The following EXOC3 variants were observed in gnomAD, a reference collection of about 807,000 sequenced individuals.
EXOC3 encodes SEC6-like 1.
Under a neutral mutation model 73.7 loss-of-function variants are expected in EXOC3, and 21 were observed. The observed-to-expected ratio is 0.29, with a 90% CI of 0.20 to 0.41. The LOEUF is 0.41. Ranked by LOEUF, EXOC3 falls within the 10% of genes least tolerant of loss-of-function variation. EXOC3 has a pLI of 1.00. For synonymous variants in EXOC3, 410 were observed against 389.1 expected (o/e 1.05, Z -0.63); for missense variants, 842 against 985.1 (o/e 0.85, Z 1.95).
intron 3 of EXOC3, 50 bp from the exon 4 acceptor site, chr5:453,320 C>CTTTTATGTGGTGGTGGTTG: frequency 1.4e-6 from 2 of 1,451,030 alleles, no homozygotes; most frequent in Non-Finnish European, 1.9e-6. Context: ...TGCAGGCAGC[C>CTTTTATGTGGTGGTGGTTG]TTTTATGTGG....
chr5:465,899 G>T, intron 12 of EXOC3, 54 bp downstream of exon 12: 2 of 1,553,544 alleles, frequency 1.3e-6, no homozygotes, highest in South Asian at 1.2e-5. Flanking sequence ...TGGAGCGGCA[G>T]GTCCCTCCTT....
At position 453,645 on chromosome 5, in the gene EXOC3, A is replaced by C. The variant is rs748256008; in HGVS notation, c.640A>C (p.Arg214=). ...RDPTLLVSVV[R]IIEREEKIDR... is the part of the protein sequence containing the mutation. The stretch of plus-strand genomic sequence containing the variant: ...CCCCACCTTGCTGGTCTCAGTTGTC[A>C]GGATCATTGAAAGGGAAGAGAAAAT... Residue 214 remains arginine (R), a synonymous_variant, in exon 4 of 13, where the codon AGG becomes CGG. Transcript: ENST00000512944. 2.5e-6 allele frequency: 4 copies of C among 1,614,002 alleles called. No individual in the cohort carries two copies. Among genetic ancestry groups the C allele is most frequent in the Non-Finnish European group, 3.4e-6 (4 of 1,179,886 alleles).
At chr5:443,629 T>TC (rs1488459278) in intron 1 of EXOC3, among the ~76,000 whole-genome samples, 2 of 151,310 alleles carry the variant, frequency 1.3e-5, no homozygotes, top group African/African-American at 2.4e-5. Flanking sequence ...GGCACAGGTG[T>TC]CCCCCCTCGG....
In EXOC3 at chr5:466,826, C is replaced by G; in HGVS notation, c.2166C>G (p.Ala722=). 5.6e-6 allele frequency: 9 copies of G among 1,613,440 alleles called. No homozygotes were observed. Among genetic ancestry groups the G allele is most frequent in the Non-Finnish European group, 7.6e-6 (9 of 1,179,782 alleles). The change falls in exon 13 of 13, where the codon GCC becomes GCG. Residue 722 remains alanine, a synonymous_variant. Transcript: ENST00000512944. ...CCCTGGAGCAGGGCCCAGCACAGGC[C>G]AGCCCCAGCTACGTGCCCCTCTTCA... ...METLEQGPAQ[A]SPSYVPLFKD... is the part of the protein sequence containing the mutation.
chr5:448,474 G>A (rs1737567027), intron 3 of EXOC3, among the ~76,000 whole-genome samples: 1 of 152,182 alleles, frequency 6.6e-6, no homozygotes, highest in African/African-American at 2.4e-5. Flanking sequence ...CCCCAACTCA[G>A]AAGCCTTGGC....
chr5:447,726 T>G lies in EXOC3; in HGVS notation c.338T>G (p.Val113Gly), dbSNP rs768560322. Residue 113 changes from valine (V) to glycine (G), a missense_variant, in exon 3 of 13, where the codon GTG (valine) becomes GGG (glycine). Coordinates refer to ENST00000512944, the MANE Select transcript of EXOC3 (RefSeq NM_007277.5). ...VVQHSQLAAAVENLKNIFSVP... is the reference protein window; with the variant it reads ...VVQHSQLAAAGENLKNIFSVP... ...CAGCACAGCCAGCTCGCCGCAGCCG[T>G]GGAGAACCTCAAGAACATCTTCTCA... 2.5e-6 allele frequency: 4 copies of G among 1,576,272 alleles called. No homozygotes were observed. The highest frequency in any genetic ancestry group is 2.7e-5 in the African/African-American group (2 of 74,084).
chr5:444,519 T>C (rs758233967), intron 1 of EXOC3, among the ~76,000 whole-genome samples: 1 of 152,132 alleles, frequency 6.6e-6, no homozygotes, highest in Non-Finnish European at 1.5e-5. Flanking sequence ...ATAATCAAAA[T>C]CATACAGGCT....
chr5:463,697 C>T lies in EXOC3; in HGVS notation c.1654-593C>T, dbSNP rs544521350. 5.3e-5 allele frequency among the ~76,000 whole-genome samples: 8 copies of T among 152,258 alleles called. No individual in the cohort carries two copies. In the South Asian group the frequency reaches 1.0e-3, roughly 20 times the overall value. On this transcript the variant is annotated intron_variant, in intron 9 of 12. Coordinates refer to ENST00000512944, the MANE Select transcript of EXOC3 (RefSeq NM_007277.5). ...TTTTATTGGAGTTTTAATTTGTATACTTTTATTGGTTTTAATGTGTATACT... is the reference window on the plus strand; with the variant it reads ...TTTTATTGGAGTTTTAATTTGTATATTTTTATTGGTTTTAATGTGTATACT...
At chr5:454,958 A>T (rs1737763444) in intron 4 of EXOC3, among the ~76,000 whole-genome samples, 1 of 149,156 alleles carries the variant, frequency 6.7e-6, no homozygotes, top group South Asian at 2.1e-4. Flanking sequence ...GCATTTCAAT[A>T]CAGAAGGACA....
At position 467,123 on chromosome 5, in the gene EXOC3, G is replaced by A. The variant is rs886791821; in HGVS notation, c.*225G>A. On this transcript the variant is annotated 3_prime_UTR_variant, in exon 13 of 13. Coordinates refer to ENST00000512944, the MANE Select transcript of EXOC3 (RefSeq NM_007277.5). ...AGGCCTGTGGGTGCAGGGCTCTGCC[G>A]CACAGCCTCTCTTGGGTGCTTGTTT... The A allele has an allele frequency of 1.8e-5, 10 of 554,768 alleles. No homozygotes were observed. Among genetic ancestry groups the A allele is most frequent in the South Asian group, 4.9e-5 (2 of 41,232 alleles). The allele number at this position is 554,768 out of a possible 1,614,324, so 34.4% of individuals were successfully genotyped here. A position where few individuals can be genotyped will look rare whatever the true frequency, so the allele number is the denominator to read the frequency against.
chr5:447,553 G>T lies in EXOC3; in HGVS notation c.165G>T (p.Leu55Phe), dbSNP rs1737541869. 6.3e-7 allele frequency: 1 copy of T among 1,579,862 alleles called. No homozygotes were observed. Residue 55 changes from leucine (L) to phenylalanine (F), a missense_variant, in exon 3 of 13, where the codon TTG (leucine) becomes TTT (phenylalanine). Physicochemically the swap from Leu to Phe is conservative, Grantham distance 22. Transcript: ENST00000512944. ...TTTAGGCCGCCATCCAGTCACAGTT[G>T]GACGGGGTGCGCACAGGCCTCAGCC... The part of the protein sequence containing the change: ...ARLKAAIQSQ[L>F]DGVRTGLSQL...
intron 12 of EXOC3, 183 bp downstream of exon 12, chr5:466,028 C>T (rs1738138141): frequency 3.4e-6 from 2 of 596,164 alleles, no homozygotes; most frequent in Non-Finnish European, 5.7e-6. Context: ...TGCTGCCTTC[C>T]ACCTGGCCTG....
chr5:464,261 G>T (rs1309221992), intron 9 of EXOC3, 29 bp from the exon 10 acceptor site: 2 of 1,607,848 alleles, frequency 1.2e-6, no homozygotes, highest in Non-Finnish European at 1.7e-6. Context: ...TTGAGGTGAT[G>T]ATTTCTATGA....
At chr5:466,583 T>A in intron 12 of EXOC3, 144 bp from the exon 13 acceptor site, 1 of 693,672 alleles carries the variant, frequency 1.4e-6, no homozygotes, top group Non-Finnish European at 2.3e-6. Context: ...TGTCTCCCGC[T>A]GAAAAGGGAA....
rs1456554074 is a variant in EXOC3 at position 467,288 on chromosome 5, A to G, written c.*390A>G. On this transcript the variant is annotated 3_prime_UTR_variant, in exon 13 of 13. Transcript: ENST00000512944. ...TTAAAGTTTCTCGGCTTCCTCAGAGAAATGAAAACGCCATGCATTCTCTTT... is the reference window on the plus strand; with the variant it reads ...TTAAAGTTTCTCGGCTTCCTCAGAGGAATGAAAACGCCATGCATTCTCTTT... The G allele has an allele frequency of 5.2e-6, 1 of 192,426 alleles. No homozygotes were observed. Among genetic ancestry groups the G allele is most frequent in the African/African-American group, 2.3e-5 (1 of 43,126 alleles). 11.9% of individuals were successfully genotyped at this position (192,426 alleles called of 1,614,324 possible).
chr5:460,227 G>A (rs1038503911), intron 7 of EXOC3, among the ~76,000 whole-genome samples: 1 of 152,218 alleles, frequency 6.6e-6, no homozygotes, highest in African/African-American at 2.4e-5. Flanking sequence ...TCGCATGAGG[G>A]CTTAGGGTTC....
chr5:443,321 G>T, intron 1 of EXOC3, 31 bp downstream of exon 1: 1 of 150,212 alleles, frequency 6.7e-6, no homozygotes, highest in South Asian at 1.9e-4. Flanking sequence ...GACGGCCGGC[G>T]GGTCCTTGGG....
Position 462,180 on chromosome 5 carries a change from G to C in EXOC3, c.1526G>C (p.Arg509Thr). 1 of 1,613,980 alleles carries C rather than the reference G, an allele frequency of 6.2e-7. No homozygotes were observed. The highest frequency in any genetic ancestry group is 8.5e-7 in the Non-Finnish European group (1 of 1,179,886). ...TFKESIVSLK[R>T]KYLKNEVEEG... ...AGGGAATCCATAGTCAGTTTAAAAA[G>C]AAAGTATTTAAAGAATGAAGTGGAA... Residue 509 changes from arginine (R) to threonine (T), a missense_variant, in exon 9 of 13, where the codon AGA (arginine) becomes ACA (threonine). Arg to Thr is a moderately conservative substitution (Grantham distance 71). Transcript: ENST00000512944.
intron 10 of EXOC3, 71 bp from the exon 11 acceptor site, chr5:465,040 T>A (rs1738099345): frequency 6.9e-7 from 1 of 1,445,542 alleles, no homozygotes; most frequent in East Asian, 2.5e-5. Flanking sequence ...AGCCCCAGCC[T>A]GGGTTTCAAT....
Sources: allele counts gnomAD v4.1 joint callset (sites outside exome capture counted in the v4.1 genomes callset), GRCh38; gene constraint gnomAD v4.1.1; transcripts MANE v1.5; gene names NCBI Gene and HGNC (gene_info 2026-07-23, HGNC 2026-07-21).